Variants in OTOP1 observed in about 807,000 individuals in gnomAD.
The protein encoded by OTOP1 is otopetrin 1, also known as proton channel OTOP1.
Under a neutral mutation model 52.9 loss-of-function variants are expected in OTOP1, and 59 were observed. That is an observed-to-expected ratio of 1.12 (90% confidence interval 0.91 to 1.39). The LOEUF (loss-of-function observed/expected upper bound fraction) is 1.39, where lower values mean the gene tolerates loss of function less well. OTOP1 is among the 40% of genes most tolerant of loss of function. OTOP1 has a pLI of 0.00. For synonymous variants in OTOP1, 317 were observed against 337.7 expected, an observed-to-expected ratio of 0.94 and a Z score of 0.67; for missense variants, 761 against 800.9, an observed-to-expected ratio of 0.95 and a Z score of 0.60.
intron 1 of OTOP1, among the ~76,000 whole-genome samples, chr4:4,219,613 C>T (rs937715368): frequency 6.0e-5 from 9 of 150,498 alleles, no homozygotes; most frequent in East Asian, 2.0e-4. Context: ...AGGAAAATGG[C>T]GTGAATCCAG....
intron 3 of OTOP1, among the ~76,000 whole-genome samples, chr4:4,205,092 C>T (rs554453919): frequency 4.6e-5 from 7 of 152,162 alleles, no homozygotes; most frequent in South Asian, 2.1e-4. Flanking sequence ...CTTTCTTACA[C>T]GGTAACAACA....
chr4:4,202,706 T>G, intron 3 of OTOP1, 128 bp from the exon 4 acceptor site: 9 of 1,258,434 alleles, frequency 7.2e-6, no homozygotes, highest in Non-Finnish European at 9.9e-6. Context: ...ACCTGGCAGT[T>G]CAGGCTCTGG....
chr4:4,202,337 G>A (rs1003167269), intron 4 of OTOP1, 111 bp downstream of exon 4: 50 of 1,457,864 alleles, frequency 3.4e-5, no homozygotes, highest in Non-Finnish European at 4.5e-5. Flanking sequence ...TGAGTTGGGT[G>A]GCCCTGCAGT....
At chr4:4,208,243 G>A (rs1716952259) in intron 2 of OTOP1, among the ~76,000 whole-genome samples, 1 of 152,182 alleles carries the variant, frequency 6.6e-6, no homozygotes, top group Non-Finnish European at 1.5e-5. Context: ...ATTTCCTAGT[G>A]GACAAATTGT....
chr4:4,205,100 A>C (rs1033286869), intron 3 of OTOP1, among the ~76,000 whole-genome samples: 1 of 152,040 alleles, frequency 6.6e-6, no homozygotes, highest in Non-Finnish European at 1.5e-5. Flanking sequence ...CACGGTAACA[A>C]CACCTTGCAG....
At chr4:4,208,323 G>A (rs1716953541) in intron 2 of OTOP1, among the ~76,000 whole-genome samples, 1 of 152,166 alleles carries the variant, frequency 6.6e-6, no homozygotes. Context: ...TAGAATGGGA[G>A]GCAGGTTTGC....
rs1217809176 is a variant in OTOP1, at chr4:4,206,096, A to G, written c.575T>C (p.Ile192Thr). 1.2e-6 allele frequency: 2 copies of G among 1,608,104 alleles called. No individual in the cohort carries two copies. Among genetic ancestry groups the G allele is most frequent in the Admixed American group, 1.7e-5 (1 of 59,958 alleles). ...YFLWGHAKDI[I>T]QSFKTLERFG... ...CCTTTCCAGTGTTTTGAAAGACTGG[A>G]TAATATCCTTTGCATGCCCCCAAAG... Residue 192 changes from isoleucine (I) to threonine (T), a missense_variant, in exon 3 of 6, where the codon ATC becomes ACC. By Grantham distance (89) the Ile-to-Thr change is moderately conservative. Transcript: ENST00000296358.
At chr4:4,196,806 A>T (rs1716637473) in intron 5 of OTOP1, among the ~76,000 whole-genome samples, 1 of 152,200 alleles carries the variant, frequency 6.6e-6, no homozygotes, top group Admixed American at 6.5e-5. Flanking sequence ...AAATCACACT[A>T]TTTGCAGCAA....
intron 1 of OTOP1, among the ~76,000 whole-genome samples, chr4:4,223,386 C>T (rs901814449): frequency 4.1e-5 from 6 of 146,514 alleles, no homozygotes; most frequent in Non-Finnish European, 6.0e-5. Context: ...AACAAAAAAA[C>T]ATGGATGGAT....
In OTOP1 at chr4:4,202,510, T is replaced by G. The variant is rs1482662449; in HGVS notation, c.668A>C (p.Lys223Thr). 1.2e-6 allele frequency: 2 copies of G among 1,614,108 alleles called. No homozygotes were observed. The highest frequency in any genetic ancestry group is 3.3e-5 in the Admixed American group (2 of 60,018). ...LWANGVLNES[K>T]HQLNEHKERL... ...TTCCTTGTGCTCATTGAGTTGGTGCTTTGACTCATTGAGGACGCCATTGGC... is the reference window on the plus strand; with the variant it reads ...TTCCTTGTGCTCATTGAGTTGGTGCGTTGACTCATTGAGGACGCCATTGGC... The change falls in exon 4 of 6, where the codon AAG becomes ACG. Residue 223 changes from lysine to threonine, a missense_variant. Physicochemically the swap from Lys to Thr is moderately conservative, Grantham distance 78. Transcript: ENST00000296358.
In OTOP1 at chr4:4,202,524, G is replaced by C. The variant is rs763674634; in HGVS notation, c.654C>G (p.Val218=). The C allele has an allele frequency of 4.4e-5, 71 of 1,613,984 alleles. No homozygotes were observed. Among genetic ancestry groups the C allele is most frequent in the Non-Finnish European group, 5.5e-5 (65 of 1,179,988 alleles). The part of the protein sequence containing the change: ...FTNLLLWANG[V]LNESKHQLNE... ...TGAGTTGGTGCTTTGACTCATTGAG[G>C]ACGCCATTGGCCCACAGAAGCAGGT... is the stretch of plus-strand genomic sequence containing the variant. The change falls in exon 4 of 6, where the codon GTC becomes GTG. Residue 218 remains valine (V), a synonymous_variant. Coordinates refer to ENST00000296358, the MANE Select transcript of OTOP1 (RefSeq NM_177998.3).
intron 1 of OTOP1, among the ~76,000 whole-genome samples, chr4:4,225,655 G>T (rs903253620): frequency 6.6e-6 from 1 of 151,506 alleles, no homozygotes; most frequent in African/African-American, 2.4e-5. Context: ...GTACCAGCAG[G>T]AGCCTCTATC....
At chr4:4,199,588 T>C (rs1716734173) in intron 4 of OTOP1, among the ~76,000 whole-genome samples, 1 of 152,108 alleles carries the variant, frequency 6.6e-6, no homozygotes, top group Non-Finnish European at 1.5e-5. Context: ...AATTTTTACA[T>C]TTTTTGTAGA....
intron 5 of OTOP1, among the ~76,000 whole-genome samples, chr4:4,192,278 G>A (rs946730151): frequency 7.2e-5 from 11 of 151,908 alleles, no homozygotes; most frequent in African/African-American, 2.4e-4. Context: ...CAAGAGTCCC[G>A]GCTGAGCCCA....
chr4:4,217,197 C>T (rs1717172922), intron 1 of OTOP1, among the ~76,000 whole-genome samples: 1 of 152,202 alleles, frequency 6.6e-6, no homozygotes. Flanking sequence ...ATTTATACAA[C>T]AAATATCTTG....
At chr4:4,219,497 C>G (rs370809563) in intron 1 of OTOP1, among the ~76,000 whole-genome samples, 2 of 151,852 alleles carry the variant, frequency 1.3e-5, no homozygotes, top group East Asian at 3.9e-4. Flanking sequence ...GTCGGGAGAT[C>G]GAGACCATCC....
At position 4,226,785 on chromosome 4, in the gene OTOP1, G is replaced by T; in HGVS notation, c.80C>A (p.Ala27Asp). The stretch of plus-strand genomic sequence containing the variant: ...GGCCGAGGACGAGGGAGGCGAGCAG[G>T]CCGCTGGCCCCGACGACCCTGCGAC... The part of the protein sequence containing the change: ...ASVAGSSGPA[A>D]CSPPSSSAPR... Residue 27 changes from alanine (A) to aspartate (D), a missense_variant, in exon 1 of 6, where the codon GCC becomes GAC. Ala to Asp is a moderately radical substitution (Grantham distance 126, BLOSUM62 -2). Transcript: ENST00000296358. The T allele has an allele frequency of 4.4e-6, 6 of 1,373,602 alleles. No homozygotes were observed. Among genetic ancestry groups the T allele is most frequent in the Non-Finnish European group, 5.6e-6 (6 of 1,067,520 alleles). 85.1% of individuals were successfully genotyped at this position (1,373,602 alleles called of 1,614,324 possible). A position where few individuals can be genotyped will look rare whatever the true frequency, so the allele number is the denominator to read the frequency against.
chr4:4,208,694 G>T (rs1716961913), intron 2 of OTOP1, among the ~76,000 whole-genome samples: 1 of 151,814 alleles, frequency 6.6e-6, no homozygotes, highest in African/African-American at 2.4e-5. Flanking sequence ...TCCTCAGATT[G>T]GTTGTACAAC....
chr4:4,190,016 GT>G (rs2108793921), intron 5 of OTOP1, among the ~76,000 whole-genome samples: 1 of 152,326 alleles, frequency 6.6e-6, no homozygotes, highest in African/African-American at 2.4e-5. Flanking sequence ...AATGTACTTT[GT>G]TTTAAGTTGC....
Sources: allele counts gnomAD v4.1 joint callset (sites outside exome capture counted in the v4.1 genomes callset), GRCh38; gene constraint gnomAD v4.1.1; transcripts MANE v1.5; gene names NCBI Gene and HGNC (gene_info 2026-07-23, HGNC 2026-07-21).